Variants in ESRRG observed in about 807,000 individuals in gnomAD.
The protein encoded by ESRRG is estrogen-related receptor gamma.
In ESRRG, 13 loss-of-function variants were observed where a neutral mutation model predicts 44.0. The observed-to-expected ratio is 0.30, with a 90% CI of 0.19 to 0.47. ESRRG has a LOEUF of 0.47. ESRRG is among the 20% of genes least tolerant of loss of function. The pLI, the probability that ESRRG is intolerant of heterozygous loss-of-function variation, is 1.00. For missense variants in ESRRG, 395 were observed against 580.6 expected, an observed-to-expected ratio of 0.68 and a Z score of 3.29; for synonymous variants, 215 against 214.6, an observed-to-expected ratio of 1.00 and a Z score of -0.02.
rs186265575 is a variant in ESRRG, at chr1:216,766,690, A to G, written c.-13-89199T>C. 9.9e-5 allele frequency among the ~76,000 whole-genome samples: 15 copies of G among 152,158 alleles called. No homozygotes were observed. In the East Asian group the frequency reaches 2.7e-3, roughly 28 times the overall value. On this transcript the variant is annotated intron_variant, in intron 2 of 7. Coordinates refer to the ESRRG transcript ENST00000359162. ...AAATGCTTCACTACCTATCAAGAAG[A>G]TGTCCTTAATTTTTATCAGAAGTTA...
chr1:216,694,432 A>G (rs968027149), intron 1 of ESRRG, among the ~76,000 whole-genome samples: 2 of 152,164 alleles, frequency 1.3e-5, no homozygotes, highest in African/African-American at 2.4e-5. Context: ...GAAATATCAC[A>G]CTACCTAGAT....
intron 6 of ESRRG, among the ~76,000 whole-genome samples, chr1:216,518,929 T>C (rs2148909274): frequency 6.6e-6 from 1 of 152,326 alleles, no homozygotes; most frequent in South Asian, 2.1e-4. Context: ...CATTAGTTGA[T>C]AAAAGTTTCA....
At chr1:216,978,564 A>T (rs1055625508) in intron 1 of ESRRG, among the ~76,000 whole-genome samples, 4 of 152,184 alleles carry the variant, frequency 2.6e-5, no homozygotes, top group African/African-American at 9.7e-5. Context: ...CTGCAAAGGG[A>T]CATCCAATAT....
intron 1 of ESRRG, among the ~76,000 whole-genome samples, chr1:217,060,948 C>T (rs909974877): frequency 6.6e-6 from 1 of 151,468 alleles, no homozygotes. Flanking sequence ...ACTTTATATC[C>T]ATTATTCTAT....
At chr1:216,728,467 G>A (rs1178395988) in intron 2 of ESRRG, among the ~76,000 whole-genome samples, 1 of 151,574 alleles carries the variant, frequency 6.6e-6, no homozygotes, top group African/African-American at 2.4e-5. Context: ...TGATAGTGTT[G>A]TCCAAAATAA....
chr1:217,016,133 G>A (rs1025677690), intron 1 of ESRRG, among the ~76,000 whole-genome samples: 2 of 152,074 alleles, frequency 1.3e-5, no homozygotes, highest in African/African-American at 2.4e-5. Context: ...AAAGAAGCGA[G>A]TGATAGTGTG....
At chr1:217,001,544 G>T (rs2077034780) in intron 1 of ESRRG, among the ~76,000 whole-genome samples, 1 of 152,168 alleles carries the variant, frequency 6.6e-6, no homozygotes, top group African/African-American at 2.4e-5. Context: ...TGTAACACTT[G>T]AGAAAAGACT....
At chr1:216,931,598 A>G (rs978167134) in intron 2 of ESRRG, among the ~76,000 whole-genome samples, 3 of 151,936 alleles carry the variant, frequency 2.0e-5, no homozygotes, top group Non-Finnish European at 2.9e-5. Context: ...CAACTGGCCC[A>G]ATTGGCCCAG....
intron 2 of ESRRG, among the ~76,000 whole-genome samples, chr1:216,792,082 T>C (rs909183214): frequency 6.6e-6 from 1 of 152,202 alleles, no homozygotes; most frequent in Admixed American, 6.5e-5. Flanking sequence ...ATCTTATAAA[T>C]AACATATGCA....
chr1:217,007,990 G>A (rs1465310016), intron 1 of ESRRG, among the ~76,000 whole-genome samples: 1 of 152,182 alleles, frequency 6.6e-6, no homozygotes, highest in Non-Finnish European at 1.5e-5. Context: ...CAGATCTTCT[G>A]CACAGTGTGT....
At chr1:216,719,626 A>G (rs1356285916) in intron 1 of ESRRG, among the ~76,000 whole-genome samples, 1 of 152,044 alleles carries the variant, frequency 6.6e-6, no homozygotes, top group Admixed American at 6.6e-5. Flanking sequence ...AATGACCAAT[A>G]TATATTACAG....
At chr1:217,005,037 T>A (rs984605585) in intron 1 of ESRRG, among the ~76,000 whole-genome samples, 2 of 152,192 alleles carry the variant, frequency 1.3e-5, no homozygotes, top group African/African-American at 4.8e-5. Context: ...CGATCAGAAT[T>A]TGTGATTTGC....
At chr1:216,603,946 A>AG in intron 3 of ESRRG, among the ~76,000 whole-genome samples, 1 of 126,048 alleles carries the variant, frequency 7.9e-6, no homozygotes, top group South Asian at 2.4e-4. Context: ...ACAAAAAAAC[A>AG]AAAAAAAAAA....
intron 1 of ESRRG, among the ~76,000 whole-genome samples, chr1:217,096,409 T>C (rs187972764): frequency 9.2e-5 from 14 of 152,348 alleles, no homozygotes; most frequent in Admixed American, 5.2e-4. Flanking sequence ...CTCAGCGTCA[T>C]GGAAAGAACA....
chr1:216,621,183 C>T (rs1005387532), intron 3 of ESRRG, among the ~76,000 whole-genome samples: 3 of 152,186 alleles, frequency 2.0e-5, no homozygotes, highest in Admixed American at 6.5e-5. Context: ...ATTCAAAGTA[C>T]TAACCTTGAC....
chr1:216,804,355 A>G (rs1236943209), intron 2 of ESRRG, among the ~76,000 whole-genome samples: 1 of 152,184 alleles, frequency 6.6e-6, no homozygotes, highest in Non-Finnish European at 1.5e-5. Flanking sequence ...TACAAGAACC[A>G]GTAGTGACAG....
chr1:217,042,494 ACAC>A (rs2084060783), intron 1 of ESRRG, among the ~76,000 whole-genome samples: 2 of 151,232 alleles, frequency 1.3e-5, no homozygotes, highest in Non-Finnish European at 3.0e-5. Context: ...ACACACACAC[ACAC>A]ACACACACAC....
chr1:217,116,942 A>G (rs1181708985), intron 1 of ESRRG, among the ~76,000 whole-genome samples: 1 of 152,228 alleles, frequency 6.6e-6, no homozygotes, highest in Non-Finnish European at 1.5e-5. Flanking sequence ...AGTCAGCCTC[A>G]TTAAGCCTTA....
intron 1 of ESRRG, among the ~76,000 whole-genome samples, chr1:216,976,641 A>T (rs1417250345): frequency 2.0e-5 from 3 of 152,198 alleles, no homozygotes; most frequent in Non-Finnish European, 4.4e-5. Context: ...CTCTTCATTT[A>T]CAAAGAGAAG....
Sources: allele counts gnomAD v4.1 joint callset (sites outside exome capture counted in the v4.1 genomes callset), GRCh38; gene constraint gnomAD v4.1.1; transcripts MANE v1.5; gene names NCBI Gene and HGNC (gene_info 2026-07-23, HGNC 2026-07-21).